ANKS3: variants seen among roughly 807,000 people sequenced by gnomAD.
The protein encoded by ANKS3 is ankyrin repeat and sterile alpha motif domain containing 3, also known as ankyrin repeat and SAM domain-containing protein 3.
A neutral mutation model predicts 80.7 loss-of-function variants in ANKS3; 62 were observed. That is an observed-to-expected ratio of 0.77 (90% CI 0.63 to 0.95). The LOEUF is 0.95. Among genes scored for constraint, ANKS3 ranks in the 40% least tolerant of loss-of-function variants. The pLI is 0.00. For synonymous variants in ANKS3, 489 were observed against 355.3 expected, an observed-to-expected ratio of 1.38 and a Z score of -4.23; for missense variants, 1,150 against 883.6, an observed-to-expected ratio of 1.30 and a Z score of -3.82.
intron 16 of ANKS3, 113 bp from the exon 17 acceptor site, chr16:4,697,217 G>A (rs1221423719): frequency 3.2e-5 from 50 of 1,543,110 alleles, no homozygotes; most frequent in African/African-American, 5.5e-5. Flanking sequence ...TATGGCCCCA[G>A]CCCCGAGGTC....
At chr16:4,707,058 G>A (rs768060116) in intron 7 of ANKS3, among the ~76,000 whole-genome samples, 1 of 152,166 alleles carries the variant, frequency 6.6e-6, no homozygotes, top group Non-Finnish European at 1.5e-5. Flanking sequence ...ACTCCAGGGA[G>A]ACTGTGCTTC....
chr16:4,707,439 G>A (rs776412075), intron 7 of ANKS3, among the ~76,000 whole-genome samples: 2 of 152,016 alleles, frequency 1.3e-5, no homozygotes, highest in Non-Finnish European at 2.9e-5. Context: ...GTGCCACCAT[G>A]CCTGGCTAAT....
At chr16:4,700,476 T>C (rs1399147095) in intron 11 of ANKS3, 1 of 250,642 alleles carries the variant, frequency 4.0e-6, no homozygotes, top group Non-Finnish European at 7.9e-6. Flanking sequence ...CCGTGCCTCT[T>C]CTGCCCACAC....
chr16:4,701,573 G>T (rs1453551970), intron 9 of ANKS3, 30 bp from the exon 10 acceptor site: 1 of 1,581,742 alleles, frequency 6.3e-7, no homozygotes, highest in South Asian at 1.1e-5. Context: ...GCGTCCGCCT[G>T]CAGCCCTCAC....
chr16:4,716,888 C>G (rs2142101682), intron 6 of ANKS3, among the ~76,000 whole-genome samples: 1 of 152,036 alleles, frequency 6.6e-6, no homozygotes, highest in South Asian at 2.1e-4. Context: ...GCACTACAGC[C>G]TCGACGACAG....
At chr16:4,714,262 G>A in intron 6 of ANKS3, 76 bp from the exon 7 acceptor site, 1 of 1,578,562 alleles carries the variant, frequency 6.3e-7, no homozygotes, top group Non-Finnish European at 8.6e-7. Flanking sequence ...TGGCTGGGAA[G>A]ACAGAAGGGC....
chr16:4,719,603 G>C (rs2080979182), intron 6 of ANKS3, among the ~76,000 whole-genome samples: 1 of 151,364 alleles, frequency 6.6e-6, no homozygotes, highest in Non-Finnish European at 1.5e-5. Context: ...AGGAGTTCAA[G>C]ACCAGCCTGG....
chr16:4,706,947 T>C (rs1200376116), intron 7 of ANKS3, among the ~76,000 whole-genome samples: 4 of 152,342 alleles, frequency 2.6e-5, no homozygotes, highest in East Asian at 1.9e-4. Flanking sequence ...GCTCAGGCCC[T>C]GAACGTGGGC....
rs749217303 is a variant in ANKS3, at chr16:4,724,860, T to C, written c.492-29A>G. On this transcript the variant is annotated intron_variant, in intron 5 of 17. Coordinates refer to ENST00000304283, the MANE Select transcript of ANKS3 (RefSeq NM_133450.4). Reference sequence around the variant, plus strand: ...CAAGATGTGGGCCACAGTCAGATGATTGGAAGAGACAAGTTCCGCCAGGCA... The same window carrying C: ...CAAGATGTGGGCCACAGTCAGATGACTGGAAGAGACAAGTTCCGCCAGGCA... 4.9e-5 allele frequency: 79 copies of C among 1,610,916 alleles called. No individual in the cohort carries two copies. The highest frequency in any genetic ancestry group is 3.5e-4 in the Admixed American group (21 of 59,708).
Position 4,698,046 on chromosome 16 carries a change from G to A in ANKS3, c.1741C>T (p.Leu581=), listed in dbSNP as rs748438941. The A allele has an allele frequency of 3.6e-5, 58 of 1,609,178 alleles. No individual in the cohort carries two copies. Among genetic ancestry groups the A allele is most frequent in the Admixed American group, 2.5e-4 (15 of 59,426 alleles). Residue 581 remains leucine, a synonymous_variant, in exon 15 of 18, where the codon CTG becomes TTG. Coordinates refer to ENST00000304283, the MANE Select transcript of ANKS3 (RefSeq NM_133450.4). ...TGGTCCTGCCTCACTCGAGATGACAGCTCAGCTTGACAGGCTCTGCCAGAC... is the reference window on the plus strand; with the variant it reads ...TGGTCCTGCCTCACTCGAGATGACAACTCAGCTTGACAGGCTCTGCCAGAC... ...LDQLRACQAE[L]SSRVRQDQPP... is the part of the protein sequence containing the mutation.
At chr16:4,711,371 G>C (rs1037075451) in intron 7 of ANKS3, among the ~76,000 whole-genome samples, 1 of 151,750 alleles carries the variant, frequency 6.6e-6, no homozygotes, top group Non-Finnish European at 1.5e-5. Flanking sequence ...CCAAAGTGCT[G>C]AGATTATAGG....
At chr16:4,717,028 T>C (rs945730049) in intron 6 of ANKS3, among the ~76,000 whole-genome samples, 19 of 151,776 alleles carry the variant, frequency 1.3e-4, no homozygotes, top group African/African-American at 4.4e-4. Flanking sequence ...GGTCAGGAGT[T>C]CAAGACCAGC....
chr16:4,710,326 G>C (rs1171144786), intron 7 of ANKS3, among the ~76,000 whole-genome samples: 1 of 152,166 alleles, frequency 6.6e-6, no homozygotes. Context: ...ACCTTAATTT[G>C]ATCATTACAC....
intron 7 of ANKS3, among the ~76,000 whole-genome samples, chr16:4,708,008 G>A (rs562967205): frequency 2.0e-5 from 3 of 152,050 alleles, no homozygotes; most frequent in Non-Finnish European, 4.4e-5. Flanking sequence ...CCAACTACTC[G>A]GGAGGCTGAG....
intron 7 of ANKS3, among the ~76,000 whole-genome samples, chr16:4,707,780 G>GCAAGACCCTGTCACAAAA (rs2080276405): frequency 1.3e-5 from 2 of 152,078 alleles, no homozygotes; most frequent in Non-Finnish European, 2.9e-5. Context: ...AGATAATAGA[G>GCAAGACCCTGTCACAAAA]AATACAACTT....
At chr16:4,697,561 C>A in intron 15 of ANKS3, 145 bp from the exon 16 acceptor site, 1 of 665,558 alleles carries the variant, frequency 1.5e-6, no homozygotes, top group Admixed American at 3.3e-5. Context: ...CCTCCCAAGG[C>A]CGAGGCAGGG....
rs753327026 is a variant in ANKS3, at chr16:4,714,990, C to CAAAAAAA, written c.574-811_574-805dup. Among the ~76,000 whole-genome samples, 41 of 36,616 alleles carry CAAAAAAA rather than the reference C, an allele frequency of 1.1e-3. 1 individual carries two copies. Among genetic ancestry groups the CAAAAAAA allele is most frequent in the African/African-American group, 5.8e-3 (39 of 6,690 alleles). The allele number at this position is 36,616 out of a possible 152,430, so 24.0% of individuals were successfully genotyped here. A position where few individuals can be genotyped will look rare whatever the true frequency, so the allele number is the denominator to read the frequency against. ...CTGAAGACAGAGTGAGACTCTGTCT[C>CAAAAAAA]AAAAAAAAAAAAAAAAAAAAAAAAA... On this transcript the variant is annotated intron_variant, in intron 6 of 17. Transcript: ENST00000304283.
At chr16:4,706,220 T>C (rs1281305054) in intron 7 of ANKS3, among the ~76,000 whole-genome samples, 1 of 151,880 alleles carries the variant, frequency 6.6e-6, no homozygotes, top group Admixed American at 6.6e-5. Flanking sequence ...AGCAATTCTG[T>C]ATTTTCTTTT....
At chr16:4,703,421 A>AT (rs3051126) in intron 8 of ANKS3, among the ~76,000 whole-genome samples, 12,861 of 131,604 alleles carry the variant, frequency 0.098, 807 homozygotes, top group South Asian at 0.25. Context: ...GGCCCCCCCA[A>AT]TTTTTTTTTT....
Sources: gnomAD v4.1 joint callset for allele counts (sites outside exome capture counted in the v4.1 genomes callset) on GRCh38, gnomAD v4.1.1 for gene constraint, MANE v1.5 for transcripts, NCBI Gene and HGNC (gene_info 2026-07-23, HGNC 2026-07-21) for gene names.